ZC3H7B: variants seen among roughly 807,000 people sequenced by gnomAD.
The protein encoded by ZC3H7B is zinc finger CCCH-type containing 7B.
ZC3H7B carries 35 observed loss-of-function variants against 116.0 expected under a neutral mutation model. The ratio of observed to expected loss-of-function variants is 0.30; its 90% confidence interval spans 0.23 to 0.40. The LOEUF (loss-of-function observed/expected upper bound fraction) is 0.40, where lower values mean the gene tolerates loss of function less well. ZC3H7B is among the 10% of genes least tolerant of loss of function. The pLI is 1.00. For missense variants in ZC3H7B, 1,011 were observed against 1,321.5 expected, an observed-to-expected ratio of 0.77 and a Z score of 3.64; for synonymous variants, 502 against 545.6, an observed-to-expected ratio of 0.92 and a Z score of 1.11.
At chr22:41,331,277 G>A (rs946195899) in intron 6 of ZC3H7B, among the ~76,000 whole-genome samples, 1 of 149,036 alleles carries the variant, frequency 6.7e-6, no homozygotes. Flanking sequence ...AAGGCCGGGC[G>A]CGGTGGCTCA....
At chr22:41,311,167 AC>A (rs1195901288) in intron 1 of ZC3H7B, among the ~76,000 whole-genome samples, 1 of 150,232 alleles carries the variant, frequency 6.7e-6, no homozygotes, top group Non-Finnish European at 1.5e-5. Flanking sequence ...CATATGCGTT[AC>A]ACAGATATCC....
intron 4 of ZC3H7B, among the ~76,000 whole-genome samples, chr22:41,326,792 A>G (rs915825590): frequency 1.3e-5 from 2 of 152,214 alleles, no homozygotes; most frequent in East Asian, 3.8e-4. Context: ...TGGATGCCTC[A>G]GGGTTAACCC....
At chr22:41,334,249 AC>A (rs1368445903) in intron 7 of ZC3H7B, 2 of 152,274 alleles carry the variant, frequency 1.3e-5, no homozygotes, top group Non-Finnish European at 2.9e-5. Context: ...GGAATAGAGC[AC>A]CAAGGTAGCG....
At chr22:41,347,705 C>G (rs1021045779) in intron 14 of ZC3H7B, among the ~76,000 whole-genome samples, 1 of 152,222 alleles carries the variant, frequency 6.6e-6, no homozygotes, top group African/African-American at 2.4e-5. Context: ...GCCAACCCCC[C>G]ACAGGGAGCA....
At chr22:41,316,030 G>A (rs1278311414) in intron 1 of ZC3H7B, among the ~76,000 whole-genome samples, 7 of 134,920 alleles carry the variant, frequency 5.2e-5, no homozygotes, top group Admixed American at 1.5e-4. Flanking sequence ...CTTGTTTCTT[G>A]TTGCCCAGGC....
In ZC3H7B at chr22:41,339,022, G is replaced by T. The variant is rs760946588; in HGVS notation, c.647G>T (p.Gly216Val). 3.1e-6 allele frequency: 5 copies of T among 1,593,588 alleles called. No individual in the cohort carries two copies. The South Asian group carries it at 5.7e-5, about 18-fold the overall frequency. ...IETDCYVDPR[G>V]SPALLPSTPT... ...GCAGACTGCTACGTGGACCCTCGAG[G>T]CTCCCCAGCCCTTCTCCCCTCCACG... Residue 216 changes from glycine (G) to valine (V), a missense_variant, in exon 9 of 23, where the codon GGC (glycine) becomes GTC (valine). By Grantham distance (109) the Gly-to-Val change is moderately radical. Around this residue, in one of 5 missense-constraint regions of ZC3H7B, gnomAD observed 322 missense variants for 443.9 expected, o/e 0.73. Transcript: ENST00000352645.
chr22:41,335,466 A>T (rs2036432321), intron 7 of ZC3H7B: 3 of 152,272 alleles, frequency 2.0e-5, no homozygotes. Flanking sequence ...CATGGGCAGG[A>T]GGGCTGAGAA....
rs2030294168 is a variant in ZC3H7B at position 41,338,258 on chromosome 22, G to A, written c.583-55G>A. 1.3e-6 allele frequency: 2 copies of A among 1,585,182 alleles called. No individual in the cohort carries two copies. Among genetic ancestry groups the A allele is most frequent in the Non-Finnish European group, 1.7e-6 (2 of 1,161,570 alleles). On this transcript the variant is annotated intron_variant, in intron 7 of 22. Transcript: ENST00000352645. This position sits in a 1 kb window ranked among gnomAD's most constrained non-coding sequence, Gnocchi z 4.5. ...TCACGTGGGGAGGGGCTGGTGCTGGGTGCTGGGATCGGGGCCTTCCCAGCC... is the reference window on the plus strand; with the variant it reads ...TCACGTGGGGAGGGGCTGGTGCTGGATGCTGGGATCGGGGCCTTCCCAGCC...
Position 41,325,590 on chromosome 22 carries a change from A to C in ZC3H7B, c.80A>C (p.Glu27Ala). ...TCGACACTACCCCTAAAGCAAGAAG[A>C]ATATGAGGTGAGTGTCAGCTGCCAG... is the stretch of plus-strand genomic sequence containing the variant. ...IQSTLPLKQE[E>A]YEAFLLKLVQ... Residue 27 changes from glutamate to alanine, a missense_variant, in exon 3 of 23, where the codon GAA becomes GCA. Physicochemically the swap from Glu to Ala is moderately radical, Grantham distance 107. This residue lies in a region of ZC3H7B where 322 missense variants were observed against 443.9 expected (regional missense o/e 0.73). Coordinates refer to ENST00000352645, the MANE Select transcript of ZC3H7B (RefSeq NM_017590.6). 6.2e-7 allele frequency: 1 copy of C among 1,612,062 alleles called. No homozygotes were observed. The highest frequency in any genetic ancestry group is 2.2e-5 in the East Asian group (1 of 44,836).
chr22:41,342,343 G>C lies in ZC3H7B; in HGVS notation c.1198-186G>C, dbSNP rs190438604. Reference sequence around the variant, plus strand: ...GGTGGTCCTGATATTTTAGACTCTTGGACCACATTACAAAGAACTCCCCTG... The same window carrying C: ...GGTGGTCCTGATATTTTAGACTCTTCGACCACATTACAAAGAACTCCCCTG... On this transcript the variant is annotated intron_variant, in intron 11 of 22. Transcript: ENST00000352645. 5.3e-3 allele frequency among the ~76,000 whole-genome samples: 802 copies of C among 152,298 alleles called. 5 individuals are homozygous for C. Among genetic ancestry groups the C allele is most frequent in the Non-Finnish European group, 8.2e-3 (557 of 68,024 alleles).
chr22:41,343,915 C>T (rs1014891033), intron 13 of ZC3H7B, among the ~76,000 whole-genome samples: 6 of 151,912 alleles, frequency 3.9e-5, no homozygotes, highest in Admixed American at 2.0e-4. Context: ...CCTGAGGGGC[C>T]GCGGGGCAGT....
At position 41,357,006 on chromosome 22, in the gene ZC3H7B, G is replaced by A. The variant is rs183122864; in HGVS notation, c.2682-171G>A. The stretch of plus-strand genomic sequence containing the variant: ...GACCTATCTAGACCTTTAATTTGCA[G>A]CTGTGGGGCAGATCCCAGAGAGGGT... On this transcript the variant is annotated intron_variant, in intron 22 of 22. Coordinates refer to ENST00000352645, the MANE Select transcript of ZC3H7B (RefSeq NM_017590.6). The surrounding 1 kb of genome is among the most constrained non-coding windows in gnomAD (Gnocchi z 5.4). Among the ~76,000 whole-genome samples the A allele has an allele frequency of 1.3e-3, 197 of 152,280 alleles. 1 individual carries two copies. The highest frequency in any genetic ancestry group is 6.8e-3 in the Middle Eastern group (2 of 294).
intron 1 of ZC3H7B, among the ~76,000 whole-genome samples, chr22:41,318,622 G>T (rs1265634941): frequency 6.6e-6 from 1 of 151,736 alleles, no homozygotes; most frequent in South Asian, 2.1e-4. Context: ...GGTGGCGCGC[G>T]CCTGTGATCT....
At chr22:41,310,745 G>A (rs984101973) in intron 1 of ZC3H7B, among the ~76,000 whole-genome samples, 1 of 151,872 alleles carries the variant, frequency 6.6e-6, no homozygotes, top group Non-Finnish European at 1.5e-5. Context: ...ATGACCTTCT[G>A]TTACTGTTTT....
intron 1 of ZC3H7B, among the ~76,000 whole-genome samples, chr22:41,319,600 G>C (rs915369632): frequency 6.0e-5 from 9 of 150,450 alleles, no homozygotes; most frequent in Non-Finnish European, 1.3e-4. Context: ...GGTCAAAGTG[G>C]CCTCTCAGAC....
chr22:41,355,838 T>G lies in ZC3H7B; in HGVS notation c.2250T>G (p.Ile750Met). Residue 750 changes from isoleucine to methionine, a missense_variant, in exon 19 of 23, where the codon ATT (isoleucine) becomes ATG (methionine). By Grantham distance (10) the Ile-to-Met change is conservative. This residue lies in a region of ZC3H7B where 406 missense variants were observed against 590.2 expected (regional missense o/e 0.69). Coordinates refer to ENST00000352645, the MANE Select transcript of ZC3H7B (RefSeq NM_017590.6). Reference sequence around the variant, plus strand: ...TGTCAGTGAGGCCACTGCCATCCATTCGTAACTTCCCACAGCAATACGATG... The same window carrying G: ...TGTCAGTGAGGCCACTGCCATCCATGCGTAACTTCCCACAGCAATACGATG... ...KWVSVRPLPSIRNFPQQYDLC... is the reference protein window; with the variant it reads ...KWVSVRPLPSMRNFPQQYDLC... The G allele has an allele frequency of 2.5e-6, 4 of 1,613,718 alleles. No individual in the cohort carries two copies. Among genetic ancestry groups the G allele is most frequent in the Non-Finnish European group, 3.4e-6 (4 of 1,179,994 alleles).
At position 41,356,040 on chromosome 22, in the gene ZC3H7B, G is replaced by A; in HGVS notation, c.2361G>A (p.Trp787Ter). Residue 787 changes from tryptophan (W) to a stop codon, truncating the protein, a stop_gained, in exon 20 of 23, where the codon TGG becomes TGA. Transcript: ENST00000352645. LOFTEE classifies it high-confidence loss of function. ...ACAGCCCGGAGGAGAGGGACATGTG[G>A]ACCTTCATGAAGGAGAACAAGAGTG... ...FAHSPEERDM[W>*]TFMKENKILD... The A allele has an allele frequency of 6.4e-7, 1 of 1,567,408 alleles. No individual in the cohort carries two copies. The highest frequency in any genetic ancestry group is 8.6e-7 in the Non-Finnish European group (1 of 1,162,184).
At chr22:41,350,697 C>T (rs533973919) in intron 16 of ZC3H7B, among the ~76,000 whole-genome samples, 27 of 152,230 alleles carry the variant, frequency 1.8e-4, no homozygotes, top group South Asian at 6.2e-4. Context: ...CAGTGTGGGA[C>T]GTGGGAAGTC....
chr22:41,329,928 A>G (rs2036361028), intron 5 of ZC3H7B, 95 bp from the exon 6 acceptor site: 2 of 1,323,588 alleles, frequency 1.5e-6, no homozygotes, highest in Non-Finnish European at 2.1e-6. Context: ...TGGGGTGACT[A>G]TGACCTCCCT....
Sources: gnomAD v4.1 joint callset for allele counts (sites outside exome capture counted in the v4.1 genomes callset) on GRCh38, gnomAD v4.1.1 for gene constraint, gnomAD v4.1.1 regional missense constraint, Gnocchi (gnomAD v3.1) non-coding constraint, MANE v1.5 for transcripts, NCBI Gene and HGNC (gene_info 2026-07-23, HGNC 2026-07-21) for gene names.